RBMS3: variants seen among roughly 807,000 people sequenced by gnomAD.
RBMS3 encodes the protein RNA binding motif single stranded interacting protein 3, also known as RNA-binding motif, single-stranded-interacting protein 3.
Under a neutral mutation model 66.8 loss-of-function variants are expected in RBMS3, and 27 were observed. The ratio of observed to expected loss-of-function variants is 0.40; its 90% CI spans 0.30 to 0.56. The LOEUF (loss-of-function observed/expected upper bound fraction) is 0.56. Ranked by LOEUF, RBMS3 falls within the 20% of genes least tolerant of loss-of-function variation. The probability of loss-of-function intolerance (pLI) is 0.40; values close to 1 mark genes in which losing one functional copy is unlikely to be tolerated. For missense variants in RBMS3, 513 were observed against 549.5 expected (o/e 0.93, Z 0.66); for synonymous variants, 188 against 183.0 (o/e 1.03, Z -0.22).
chr3:29,741,674 T>G (rs1361890763), intron 5 of RBMS3, among the ~76,000 whole-genome samples: 3 of 152,232 alleles, frequency 2.0e-5, no homozygotes, highest in Non-Finnish European at 2.9e-5. Flanking sequence ...ACAAAGTATA[T>G]TAGTTTCCTA....
intron 1 of RBMS3, among the ~76,000 whole-genome samples, chr3:29,319,428 C>T (rs1418803158): frequency 6.6e-6 from 1 of 151,962 alleles, no homozygotes; most frequent in African/African-American, 2.4e-5. Flanking sequence ...AGCCTGCCAC[C>T]TTCTTGTGAG....
chr3:29,921,817 T>C (rs2060787810), intron 10 of RBMS3, among the ~76,000 whole-genome samples: 1 of 152,204 alleles, frequency 6.6e-6, no homozygotes, highest in Non-Finnish European at 1.5e-5. Flanking sequence ...TTCATCATAT[T>C]TTAGAGTTAT....
At chr3:29,407,992 G>C (rs1453499651) in intron 1 of RBMS3, among the ~76,000 whole-genome samples, 1 of 152,080 alleles carries the variant, frequency 6.6e-6, no homozygotes, top group African/African-American at 2.4e-5. Flanking sequence ...AGGAAAATTG[G>C]CTGGGCACGG....
chr3:29,431,518 C>T (rs1335524321), intron 1 of RBMS3, among the ~76,000 whole-genome samples: 1 of 151,802 alleles, frequency 6.6e-6, no homozygotes, highest in Non-Finnish European at 1.5e-5. Flanking sequence ...GTCTTGATCT[C>T]CCGACCTTGT....
At chr3:29,289,930 A>G (rs2032683571) in intron 1 of RBMS3, among the ~76,000 whole-genome samples, 1 of 151,908 alleles carries the variant, frequency 6.6e-6, no homozygotes, top group Admixed American at 6.6e-5. Flanking sequence ...GATCATGCAT[A>G]GAATTTAATA....
chr3:29,388,217 T>G (rs2039104286), intron 1 of RBMS3, among the ~76,000 whole-genome samples: 1 of 152,238 alleles, frequency 6.6e-6, no homozygotes, highest in African/African-American at 2.4e-5. Flanking sequence ...ATCTCCATAT[T>G]CTAAAATCAC....
chr3:29,645,358 G>A (rs1367491127), intron 4 of RBMS3, among the ~76,000 whole-genome samples: 3 of 152,146 alleles, frequency 2.0e-5, no homozygotes, highest in Non-Finnish European at 2.9e-5. Flanking sequence ...GTAAAAGTTC[G>A]GCTTTGTGTC....
intron 6 of RBMS3, among the ~76,000 whole-genome samples, chr3:29,788,291 G>A (rs1471231495): frequency 6.6e-6 from 1 of 151,020 alleles, no homozygotes; most frequent in Non-Finnish European, 1.5e-5. Flanking sequence ...AGTGGCGCCA[G>A]CTTGGCTCAC....
intron 6 of RBMS3, among the ~76,000 whole-genome samples, chr3:29,863,112 T>C (rs1577021852): frequency 6.6e-6 from 1 of 151,992 alleles, no homozygotes; most frequent in Non-Finnish European, 1.5e-5. Context: ...ATTTGACTCC[T>C]GAAATTTAAG....
intron 3 of RBMS3, among the ~76,000 whole-genome samples, chr3:29,557,917 T>A (rs1458361620): frequency 1.3e-5 from 2 of 152,160 alleles, no homozygotes; most frequent in African/African-American, 4.8e-5. Flanking sequence ...TTTAAAAGAC[T>A]GTTTATCATA....
intron 6 of RBMS3, among the ~76,000 whole-genome samples, chr3:29,769,819 G>C (rs1169417927): frequency 6.6e-6 from 1 of 151,518 alleles, no homozygotes; most frequent in Admixed American, 6.6e-5. Flanking sequence ...CACAGCTCTG[G>C]GTAAACAAGC....
At chr3:29,303,565 G>A (rs1295400737) in intron 1 of RBMS3, among the ~76,000 whole-genome samples, 3 of 151,874 alleles carry the variant, frequency 2.0e-5, no homozygotes, top group Admixed American at 1.3e-4. Flanking sequence ...TATAGCCTAG[G>A]ATGGCACTTC....
At chr3:29,707,134 A>G (rs1273920299) in intron 4 of RBMS3, among the ~76,000 whole-genome samples, 1 of 152,180 alleles carries the variant, frequency 6.6e-6, no homozygotes, top group African/African-American at 2.4e-5. Flanking sequence ...TCTTTCATAA[A>G]AGATGACTTT....
At chr3:29,515,057 T>C (rs1437244324) in intron 3 of RBMS3, among the ~76,000 whole-genome samples, 1 of 152,108 alleles carries the variant, frequency 6.6e-6, no homozygotes, top group Non-Finnish European at 1.5e-5. Flanking sequence ...TTCCCAAATA[T>C]ATGCTCTTAA....
At chr3:29,876,944 T>A (rs2059622601) in intron 7 of RBMS3, among the ~76,000 whole-genome samples, 4 of 152,264 alleles carry the variant, frequency 2.6e-5, no homozygotes, top group Admixed American at 2.0e-4. Flanking sequence ...GACCATAATG[T>A]GGTCAGATTT....
At chr3:29,361,631 C>G (rs1048510323) in intron 1 of RBMS3, among the ~76,000 whole-genome samples, 1 of 152,198 alleles carries the variant, frequency 6.6e-6, no homozygotes, top group Non-Finnish European at 1.5e-5. Flanking sequence ...TGGATAATAT[C>G]TTGCAGAGTG....
At chr3:29,611,627 T>G (rs1380752440) in intron 4 of RBMS3, among the ~76,000 whole-genome samples, 6 of 151,994 alleles carry the variant, frequency 3.9e-5, no homozygotes, top group African/African-American at 1.4e-4. Context: ...AAGTTAATCT[T>G]TCAATGGATA....
intron 6 of RBMS3, among the ~76,000 whole-genome samples, chr3:29,833,111 T>C (rs2058417171): frequency 6.6e-6 from 1 of 152,122 alleles, no homozygotes; most frequent in African/African-American, 2.4e-5. Context: ...ATGGAGCAGA[T>C]GTATCCATGG....
At chr3:29,640,637 G>A (rs935892052) in intron 4 of RBMS3, among the ~76,000 whole-genome samples, 5 of 151,874 alleles carry the variant, frequency 3.3e-5, no homozygotes, top group Non-Finnish European at 7.4e-5. Context: ...GTTCAAAGTG[G>A]AGGAAAACAT....
Sources: gnomAD v4.1 joint callset for allele counts (sites outside exome capture counted in the v4.1 genomes callset) on GRCh38, gnomAD v4.1.1 for gene constraint, MANE v1.5 for transcripts, NCBI Gene and HGNC (gene_info 2026-07-23, HGNC 2026-07-21) for gene names.